The following CNTN1 variants were observed in gnomAD, a reference collection of about 807,000 sequenced individuals.
CNTN1 encodes the protein contactin-1.
Under a neutral mutation model 126.4 loss-of-function variants are expected in CNTN1, and 38 were observed. The ratio of observed to expected loss-of-function variants is 0.30; its 90% CI spans 0.23 to 0.39. The LOEUF (loss-of-function observed/expected upper bound fraction) is 0.39. Ranked by LOEUF, CNTN1 falls within the 10% of genes least tolerant of loss-of-function variation. CNTN1 has a pLI of 1.00. For synonymous variants in CNTN1, 413 were observed against 422.6 expected (o/e 0.98, Z 0.28); for missense variants, 1,009 against 1,248.4 (o/e 0.81, Z 2.89).
At chr12:40,715,700 T>C (rs1016253536) in intron 1 of CNTN1, among the ~76,000 whole-genome samples, 2 of 152,144 alleles carry the variant, frequency 1.3e-5, no homozygotes, top group African/African-American at 4.8e-5. Flanking sequence ...TCAAATCTCT[T>C]ATAATTTAGC....
intron 1 of CNTN1, among the ~76,000 whole-genome samples, chr12:40,840,005 T>A (rs990578715): frequency 6.6e-6 from 1 of 152,012 alleles, no homozygotes; most frequent in African/African-American, 2.4e-5. Flanking sequence ...TCAATAATAA[T>A]CTTAAATATA....
chr12:40,864,869 G>T (rs1360318560), intron 1 of CNTN1, among the ~76,000 whole-genome samples: 3 of 152,058 alleles, frequency 2.0e-5, no homozygotes, highest in African/African-American at 2.4e-5. Context: ...AATTGCTGGG[G>T]CATATGGTAA....
intron 14 of CNTN1, among the ~76,000 whole-genome samples, chr12:40,946,357 T>C (rs1216305658): frequency 6.6e-6 from 1 of 152,132 alleles, no homozygotes; most frequent in East Asian, 1.9e-4. Context: ...TTAGTGAATA[T>C]ATATATGTCT....
chr12:41,016,040 A>G (rs1456360773), intron 18 of CNTN1, among the ~76,000 whole-genome samples: 1 of 152,220 alleles, frequency 6.6e-6, no homozygotes, highest in African/African-American at 2.4e-5. Context: ...CACAAGGTAG[A>G]TATTCTAGGC....
chr12:40,971,136 G>T lies in CNTN1; in HGVS notation c.1805-9773G>T, dbSNP rs1006726635. Among the ~76,000 whole-genome samples, 5 of 152,104 alleles carry T rather than the reference G, an allele frequency of 3.3e-5. No homozygotes were observed. The East Asian group carries it at 9.7e-4, about 29-fold the overall frequency. ...CACTCTGTGGAATGAAATTTACAAA[G>T]GATCCACGAGATTTGTTTCATTTAT... On this transcript the variant is annotated intron_variant, in intron 15 of 23. Transcript: ENST00000551295.
At chr12:40,949,194 A>G (rs1367499153) in intron 14 of CNTN1, among the ~76,000 whole-genome samples, 3 of 87,548 alleles carry the variant, frequency 3.4e-5, no homozygotes, top group Non-Finnish European at 4.9e-5. Context: ...ACAGAAGTCA[A>G]TTTGTTTTTT....
chr12:40,759,577 C>G (rs1435290315), intron 1 of CNTN1, among the ~76,000 whole-genome samples: 1 of 151,572 alleles, frequency 6.6e-6, no homozygotes, highest in Non-Finnish European at 1.5e-5. Flanking sequence ...GTGATCCTCC[C>G]ACCTGAGCAT....
chr12:40,809,851 A>ACACACAC (rs1206384993), intron 1 of CNTN1, among the ~76,000 whole-genome samples: 108 of 100,056 alleles, frequency 1.1e-3, no homozygotes, highest in Non-Finnish European at 1.3e-3. Flanking sequence ...CACACACACA[A>ACACACAC]AAGTCAAAAC....
At chr12:40,914,394 C>A (rs1339912586) in intron 3 of CNTN1, among the ~76,000 whole-genome samples, 1 of 152,054 alleles carries the variant, frequency 6.6e-6, no homozygotes, top group Non-Finnish European at 1.5e-5. Context: ...CTGAACCTGG[C>A]AATGCAATAC....
chr12:40,922,165 C>A, intron 4 of CNTN1, 91 bp from the exon 5 acceptor site: 3 of 1,061,154 alleles, frequency 2.8e-6, no homozygotes, highest in Non-Finnish European at 4.4e-6. Context: ...TCACATGGAG[C>A]CGTACCCAAA....
chr12:40,925,606 CGT>C (rs1423015413), intron 6 of CNTN1, among the ~76,000 whole-genome samples: 2 of 132,220 alleles, frequency 1.5e-5, no homozygotes, highest in East Asian at 2.2e-4. Context: ...TATATATATA[CGT>C]GTATATATAT....
At chr12:41,017,856 C>G (rs1948815864) in intron 19 of CNTN1, among the ~76,000 whole-genome samples, 1 of 152,076 alleles carries the variant, frequency 6.6e-6, no homozygotes, top group African/African-American at 2.4e-5. Flanking sequence ...CTTAGGGAGG[C>G]TGAGGCAGGT....
At chr12:40,871,749 C>A (rs904628141) in intron 1 of CNTN1, among the ~76,000 whole-genome samples, 18 of 152,162 alleles carry the variant, frequency 1.2e-4, no homozygotes, top group African/African-American at 4.3e-4. Context: ...GTGAGTCAGA[C>A]CAACTTGCAT....
chr12:40,750,585 T>C (rs7296616), intron 1 of CNTN1, among the ~76,000 whole-genome samples: 123,467 of 151,952 alleles, frequency 0.81, 50,911 homozygotes, highest in East Asian at 0.98. Flanking sequence ...AGAGGATCGC[T>C]TGAACCCAGG....
intron 1 of CNTN1, among the ~76,000 whole-genome samples, chr12:40,727,908 C>A (rs1284533420): frequency 6.6e-6 from 1 of 152,190 alleles, no homozygotes; most frequent in Non-Finnish European, 1.5e-5. Context: ...GTCTCAGTCA[C>A]TCCCAGTGTA....
intron 14 of CNTN1, among the ~76,000 whole-genome samples, chr12:40,945,753 C>G (rs892707492): frequency 3.0e-4 from 46 of 151,128 alleles, no homozygotes; most frequent in African/African-American, 1.1e-3. Flanking sequence ...AAAGAAATAA[C>G]TGGAATACTA....
chr12:40,868,412 G>A (rs1159722375), intron 1 of CNTN1, among the ~76,000 whole-genome samples: 1 of 152,108 alleles, frequency 6.6e-6, no homozygotes, highest in Admixed American at 6.6e-5. Flanking sequence ...AGAGATTCAG[G>A]TTGAGTCAGT....
At chr12:40,751,088 A>G (rs934584255) in intron 1 of CNTN1, among the ~76,000 whole-genome samples, 7 of 152,132 alleles carry the variant, frequency 4.6e-5, no homozygotes, top group East Asian at 1.9e-4. Context: ...ATGGACATTT[A>G]TAGAGTGTTC....
intron 16 of CNTN1, among the ~76,000 whole-genome samples, chr12:40,989,017 C>G (rs1592368272): frequency 6.6e-6 from 1 of 152,240 alleles, no homozygotes; most frequent in East Asian, 1.9e-4. Context: ...TTTCTGGCTC[C>G]AAGAATAACA....
Sources: gnomAD v4.1 joint callset for allele counts (sites outside exome capture counted in the v4.1 genomes callset) on GRCh38, gnomAD v4.1.1 for gene constraint, MANE v1.5 for transcripts, NCBI Gene and HGNC (gene_info 2026-07-23, HGNC 2026-07-21) for gene names.